SLC27A6: variants seen among roughly 807,000 people sequenced by gnomAD.
SLC27A6 encodes the protein solute carrier family 27 member 6, also known as long-chain fatty acid transport protein 6.
In SLC27A6, 74 loss-of-function variants were observed where a neutral mutation model predicts 63.9. That is an observed-to-expected ratio of 1.16 (90% CI 0.96 to 1.40). SLC27A6 has a LOEUF of 1.40. Among genes scored for constraint, SLC27A6 ranks in the 40% most tolerant of loss-of-function variants. The probability of loss-of-function intolerance (pLI) is 0.00; values close to 1 mark genes in which losing one functional copy is unlikely to be tolerated. For synonymous variants in SLC27A6, 287 were observed against 260.8 expected (o/e 1.10, Z -0.97); for missense variants, 794 against 732.9 (o/e 1.08, Z -0.96).
chr5:128,998,971 A>T (rs1355915348), intron 4 of SLC27A6, among the ~76,000 whole-genome samples: 1 of 152,182 alleles, frequency 6.6e-6, no homozygotes, highest in African/African-American at 2.4e-5. Context: ...TTAATTTACC[A>T]TGTGACATAG....
intron 2 of SLC27A6, 99 bp from the exon 3 acceptor site, chr5:128,988,498 ATCT>A (rs1354333280): frequency 6.8e-6 from 6 of 876,618 alleles, no homozygotes; most frequent in African/African-American, 6.8e-5. Flanking sequence ...TATCAGTATC[ATCT>A]TCTTTCTGTT....
chr5:129,006,810 A>T (rs1189591945), intron 4 of SLC27A6, among the ~76,000 whole-genome samples: 1 of 152,172 alleles, frequency 6.6e-6, no homozygotes, highest in Non-Finnish European at 1.5e-5. Flanking sequence ...AATTGTTTTA[A>T]AGTATTTTGT....
chr5:128,982,105 C>T lies in SLC27A6; in HGVS notation c.482-3028C>T, dbSNP rs141427018. ...CTGGGATTACAGGCATGAGCCACCACGCCTGGCCAAGATTCATTTTATTAA... is the reference window on the plus strand; with the variant it reads ...CTGGGATTACAGGCATGAGCCACCATGCCTGGCCAAGATTCATTTTATTAA... On this transcript the variant is annotated intron_variant, in intron 1 of 9. Transcript: ENST00000262462. Among the ~76,000 whole-genome samples, 680 of 152,240 alleles carry T rather than the reference C, an allele frequency of 4.5e-3. 2 individuals are homozygous for T. Among genetic ancestry groups the T allele is most frequent in the African/African-American group, 0.015 (636 of 41,540 alleles).
In SLC27A6 at chr5:129,027,163, A is replaced by G. The variant is rs1385358627; in HGVS notation, c.1286A>G (p.Asn429Ser). The change falls in exon 7 of 10, where the codon AAT becomes AGT. Residue 429 changes from asparagine (N) to serine (S), a missense_variant. By Grantham distance (46) the Asn-to-Ser change is conservative. Coordinates refer to ENST00000262462, the MANE Select transcript of SLC27A6 (RefSeq NM_001017372.3). ...GEPGLLISRVNAKNPFFGYAG... is the reference protein window; with the variant it reads ...GEPGLLISRVSAKNPFFGYAG... The stretch of plus-strand genomic sequence containing the variant: ...CCTGGACTTCTCATTTCTCGAGTGA[A>G]TGCAAAAAATCCCTTCTTTGGCTAT... The G allele has an allele frequency of 6.2e-6, 10 of 1,613,480 alleles. No homozygotes were observed. The highest frequency in any genetic ancestry group is 1.1e-5 in the South Asian group (1 of 91,072).
chr5:129,032,788 C>A (rs1036666121), intron 9 of SLC27A6, among the ~76,000 whole-genome samples: 2 of 151,858 alleles, frequency 1.3e-5, no homozygotes, highest in African/African-American at 4.8e-5. Context: ...TTATGGCATT[C>A]TCTATACATA....
At chr5:128,991,310 G>T (rs375957890) in intron 4 of SLC27A6, among the ~76,000 whole-genome samples, 3 of 152,202 alleles carry the variant, frequency 2.0e-5, no homozygotes, top group African/African-American at 7.2e-5. Flanking sequence ...ATTCTTAGTC[G>T]GCCTAGGAAA....
intron 7 of SLC27A6, among the ~76,000 whole-genome samples, chr5:129,027,770 A>G (rs1016673153): frequency 6.6e-6 from 1 of 152,120 alleles, no homozygotes; most frequent in Admixed American, 6.6e-5. Context: ...TACTAGTCCA[A>G]TGACTTGAAT....
intron 1 of SLC27A6, among the ~76,000 whole-genome samples, chr5:128,984,320 C>T (rs977165292): frequency 6.6e-6 from 1 of 152,088 alleles, no homozygotes; most frequent in African/African-American, 2.4e-5. Context: ...CATCAAGGAC[C>T]CAGTCCCACC....
Position 129,015,912 on chromosome 5 carries a change from C to G in SLC27A6, c.997C>G (p.Arg333Gly), listed in dbSNP as rs145807446. Residue 333 changes from arginine to glycine, a missense_variant, in exon 5 of 10, where the codon CGT (arginine) becomes GGT (glycine). Arg to Gly is a moderately radical substitution (Grantham distance 125). Coordinates refer to ENST00000262462, the MANE Select transcript of SLC27A6 (RefSeq NM_001017372.3). ...AGAAGGAGAAAAGGATCATAAGGTG[C>G]GTTTGGCAATTGGAAATGGCATACG... ...KREGEKDHKV[R>G]LAIGNGIRSD... is the part of the protein sequence containing the mutation. The G allele has an allele frequency of 1.5e-5, 24 of 1,595,296 alleles. No homozygotes were observed. In the East Asian group the frequency reaches 5.3e-4, roughly 35 times the overall value.
rs1048462174 is a variant in SLC27A6, at chr5:129,033,179, A to C, written c.1757A>C (p.Lys586Thr). Residue 586 changes from lysine to threonine, a missense_variant, in exon 10 of 10, where the codon AAA (lysine) becomes ACA (threonine). Transcript: ENST00000262462. ...QLVEDGFNPLKISEPLYFMDN... is the reference protein window; with the variant it reads ...QLVEDGFNPLTISEPLYFMDN... ...GTGGAAGATGGATTTAATCCACTGA[A>C]AATTTCTGAACCACTTTACTTCATG... 1.2e-6 allele frequency: 2 copies of C among 1,609,442 alleles called. No homozygotes were observed. Among genetic ancestry groups the C allele is most frequent in the Non-Finnish European group, 1.7e-6 (2 of 1,177,404 alleles).
Position 129,005,015 on chromosome 5 carries a change from G to A in SLC27A6, c.970-10870G>A, listed in dbSNP as rs73784824. On this transcript the variant is annotated intron_variant, in intron 4 of 9. Coordinates refer to ENST00000262462, the MANE Select transcript of SLC27A6 (RefSeq NM_001017372.3). ...TACTTCAGGTGCTATCCCTGGCCCC[G>A]CTAACTTTCCATCCATCATGCCAGG... Among the ~76,000 whole-genome samples, 1,337 of 152,186 alleles carry A rather than the reference G, an allele frequency of 8.8e-3. 24 individuals are homozygous for A. Among genetic ancestry groups the A allele is most frequent in the African/African-American group, 0.031 (1,281 of 41,518 alleles).
At position 128,985,235 on chromosome 5, in the gene SLC27A6, A is replaced by G. The variant is rs1206378066; in HGVS notation, c.584A>G (p.Glu195Gly). ...SVPQGVISLK[E>G]KLSTSPDEPV... Reference sequence around the variant, plus strand: ...CCACAAGGTGTAATTTCACTCAAAGAAAAACTGAGCACCTCACCTGATGAG... The same window carrying G: ...CCACAAGGTGTAATTTCACTCAAAGGAAAACTGAGCACCTCACCTGATGAG... Residue 195 changes from glutamate (E) to glycine (G), a missense_variant, in exon 2 of 10, where the codon GAA becomes GGA. Transcript: ENST00000262462. 3.1e-6 allele frequency: 5 copies of G among 1,613,978 alleles called. No individual in the cohort carries two copies.
At chr5:129,007,459 A>C (rs1012265540) in intron 4 of SLC27A6, among the ~76,000 whole-genome samples, 3 of 148,620 alleles carry the variant, frequency 2.0e-5, no homozygotes, top group African/African-American at 4.9e-5. Flanking sequence ...AAAAAAAAAA[A>C]AAAAAATATA....
rs541437624 is a variant in SLC27A6, at chr5:129,027,313, G to A, written c.1436G>A (p.Arg479His). 1.7e-5 allele frequency: 28 copies of A among 1,610,782 alleles called. No homozygotes were observed. The highest frequency in any genetic ancestry group is 5.5e-5 in the South Asian group (5 of 91,000). ...GACAATTTCCTTTATTTTTGGGACC[G>A]TACTGGAGACACTTTCAGGTATGAA... ...DQDNFLYFWD[R>H]TGDTFRWKGE... The change falls in exon 7 of 10, where the codon CGT becomes CAT. Residue 479 changes from arginine (R) to histidine (H), a missense_variant. Physicochemically the swap from Arg to His is conservative, Grantham distance 29. Coordinates refer to ENST00000262462, the MANE Select transcript of SLC27A6 (RefSeq NM_001017372.3).
At chr5:128,981,726 A>C (rs59966553) in intron 1 of SLC27A6, among the ~76,000 whole-genome samples, 31 of 152,260 alleles carry the variant, frequency 2.0e-4, no homozygotes, top group African/African-American at 6.3e-4. Flanking sequence ...ATTTCCTTAA[A>C]GTATTTAAAC....
intron 1 of SLC27A6, among the ~76,000 whole-genome samples, chr5:128,968,751 GA>G (rs1231216281): frequency 6.6e-6 from 1 of 151,894 alleles, no homozygotes; most frequent in African/African-American, 2.4e-5. Flanking sequence ...TTGCTGTACA[GA>G]AGCTCTTTAG....
At chr5:128,970,936 C>T (rs1750130909) in intron 1 of SLC27A6, among the ~76,000 whole-genome samples, 1 of 152,176 alleles carries the variant, frequency 6.6e-6, no homozygotes, top group African/African-American at 2.4e-5. Flanking sequence ...TAAATGTTTT[C>T]CAGAGATTCT....
In SLC27A6 at chr5:128,966,237, G is replaced by A. The variant is rs748879688; in HGVS notation, c.100G>A (p.Val34Met). 6 of 1,613,322 alleles carry A rather than the reference G, an allele frequency of 3.7e-6. No individual in the cohort carries two copies. The highest frequency in any genetic ancestry group is 4.2e-6 in the Non-Finnish European group (5 of 1,179,638). The change falls in exon 1 of 10, where the codon GTG (valine) becomes ATG (methionine). Residue 34 changes from valine (V) to methionine (M), a missense_variant. Transcript: ENST00000262462. The stretch of plus-strand genomic sequence containing the variant: ...TTACTTTTGGGATGACTTCTGGTTC[G>A]TGTTGAAGGTGGTGCTCATTATAAT... ...FPYFWDDFWFVLKVVLIIIRL... is the reference protein window; with the variant it reads ...FPYFWDDFWFMLKVVLIIIRL...
intron 1 of SLC27A6, among the ~76,000 whole-genome samples, chr5:128,968,777 A>G (rs1580694972): frequency 6.6e-6 from 1 of 151,848 alleles, no homozygotes; most frequent in South Asian, 2.1e-4. Context: ...ATTAGATCCC[A>G]TTTGTCAATT....
Sources: allele counts gnomAD v4.1 joint callset (sites outside exome capture counted in the v4.1 genomes callset), GRCh38; gene constraint gnomAD v4.1.1; transcripts MANE v1.5; gene names NCBI Gene and HGNC (gene_info 2026-07-23, HGNC 2026-07-21).